TRAK2: variants seen among roughly 807,000 people sequenced by gnomAD.
TRAK2 encodes trafficking kinesin-binding protein 2.
Under a neutral mutation model 104.6 loss-of-function variants are expected in TRAK2, and 81 were observed. The ratio of observed to expected loss-of-function variants is 0.77; its 90% CI spans 0.65 to 0.93. The LOEUF is 0.93. Among genes scored for constraint, TRAK2 ranks in the 40% least tolerant of loss-of-function variants. The pLI, the probability that TRAK2 is intolerant of heterozygous loss-of-function variation, is 0.00. For synonymous variants in TRAK2, 406 were observed against 394.4 expected (o/e 1.03, Z -0.35); for missense variants, 1,002 against 1,089.0 (o/e 0.92, Z 1.12).
In TRAK2 at chr2:201,448,001, GCA is replaced by G. The variant is rs375423024; in HGVS notation, c.-200+3347_-200+3348del. 1.8e-3 allele frequency among the ~76,000 whole-genome samples: 278 copies of G among 152,284 alleles called. 1 individual carries two copies. The highest frequency in any genetic ancestry group is 6.0e-3 in the African/African-American group (251 of 41,544). On this transcript the variant is annotated intron_variant, in intron 1 of 15. Coordinates refer to ENST00000332624, the MANE Select transcript of TRAK2 (RefSeq NM_015049.3). ...AGCAAAGACTAAATTCCTAGCATTG[GCA>G]CAGTGTGTGGCACACAGAAGGTGTT...
chr2:201,428,960 T>C (rs564969264), intron 1 of TRAK2, among the ~76,000 whole-genome samples: 25 of 152,196 alleles, frequency 1.6e-4, no homozygotes, highest in Admixed American at 2.6e-4. Context: ...CATGATTTGG[T>C]TCTCTGTTTG....
At position 201,387,750 on chromosome 2, in the gene TRAK2, A is replaced by C; in HGVS notation, c.1649T>G (p.Leu550Arg). 6.2e-7 allele frequency: 1 copy of C among 1,611,988 alleles called. No individual in the cohort carries two copies. Among genetic ancestry groups the C allele is most frequent in the Non-Finnish European group, 8.5e-7 (1 of 1,178,870 alleles). ...TAATTTTTCTGGCATAAAACCTCGA[A>C]GGCAACTGGCACTGCTGAGGTCTGT... ...EITDLSSASC[L>R]RGFMPEKLQI... Residue 550 changes from leucine to arginine, a missense_variant, in exon 13 of 16, where the codon CTT becomes CGT. Leu to Arg is a moderately radical substitution (Grantham distance 102, BLOSUM62 -2). Transcript: ENST00000332624.
intron 2 of TRAK2, among the ~76,000 whole-genome samples, chr2:201,418,157 CT>C (rs1218022751): frequency 1.3e-5 from 2 of 152,150 alleles, no homozygotes; most frequent in Non-Finnish European, 2.9e-5. Flanking sequence ...TTCCAGCATT[CT>C]TTTTTGGGAG....
At chr2:201,394,159 AC>A (rs1212557885) in intron 9 of TRAK2, among the ~76,000 whole-genome samples, 2 of 152,188 alleles carry the variant, frequency 1.3e-5, no homozygotes, top group East Asian at 3.9e-4. Flanking sequence ...ACACACCTGC[AC>A]AAAGATTTAC....
At chr2:201,437,488 C>T (rs373260535) in intron 1 of TRAK2, among the ~76,000 whole-genome samples, 1 of 152,064 alleles carries the variant, frequency 6.6e-6, no homozygotes, top group Admixed American at 6.6e-5. Context: ...ACCATAAATC[C>T]ACCACATTCT....
chr2:201,402,875 T>C (rs1022736607), intron 3 of TRAK2, among the ~76,000 whole-genome samples: 2 of 152,158 alleles, frequency 1.3e-5, no homozygotes, highest in Non-Finnish European at 2.9e-5. Context: ...ATGCAGAAGA[T>C]TCCCAGGTGT....
At chr2:201,437,299 C>T (rs1951886228) in intron 1 of TRAK2, among the ~76,000 whole-genome samples, 1 of 152,116 alleles carries the variant, frequency 6.6e-6, no homozygotes, top group East Asian at 1.9e-4. Flanking sequence ...CTATTCTCCC[C>T]AGTTCTTCAG....
At chr2:201,395,107 C>T in intron 8 of TRAK2, 1 of 612,834 alleles carries the variant, frequency 1.6e-6, no homozygotes, top group Non-Finnish European at 2.8e-6. Flanking sequence ...AGCACTAACC[C>T]CATTTTACAA....
At chr2:201,383,508 A>T (rs1326264552) in intron 15 of TRAK2, among the ~76,000 whole-genome samples, 1 of 152,228 alleles carries the variant, frequency 6.6e-6, no homozygotes, top group African/African-American at 2.4e-5. Flanking sequence ...TACTTGGGTG[A>T]ACTTCCCTGG....
chr2:201,407,588 G>C lies in TRAK2; in HGVS notation c.101C>G (p.Ser34Cys), dbSNP rs374246903. The change falls in exon 3 of 16, where the codon TCC becomes TGC. Residue 34 changes from serine to cysteine, a missense_variant. Physicochemically the swap from Ser to Cys is moderately radical, Grantham distance 112. Coordinates refer to ENST00000332624, the MANE Select transcript of TRAK2 (RefSeq NM_015049.3). ...RDSESITDVC[S>C]NEDLPEVELV... is the part of the protein sequence containing the mutation. Reference sequence around the variant, plus strand: ...CTCAACTTCAGGGAGATCCTCATTGGAGCAGACATCTAAAGAGGAGAGTCT... The same window carrying C: ...CTCAACTTCAGGGAGATCCTCATTGCAGCAGACATCTAAAGAGGAGAGTCT... 1.3e-4 allele frequency: 209 copies of C among 1,612,628 alleles called. No homozygotes were observed. The highest frequency in any genetic ancestry group is 2.5e-4 in the Admixed American group (15 of 59,874).
Position 201,392,929 on chromosome 2 carries a change from A to T in TRAK2, c.1093T>A (p.Ser365Thr), listed in dbSNP as rs768972943. ...CTTACCCCAGTAAAAGCTCCATATG[A>T]TTGGGAGAAGTAGAGATGAGCAGTA... Reference protein sequence around the residue: ...GPTAHLYFSQSYGAFTGESLA... With the variant: ...GPTAHLYFSQTYGAFTGESLA... Residue 365 changes from serine to threonine, a missense_variant, in exon 10 of 16, where the codon TCA becomes ACA. By Grantham distance (58) the Ser-to-Thr change is moderately conservative. Transcript: ENST00000332624. 1 of 1,612,456 alleles carries T rather than the reference A, an allele frequency of 6.2e-7. No individual in the cohort carries two copies. The highest frequency in any genetic ancestry group is 2.2e-5 in the East Asian group (1 of 44,832).
chr2:201,394,778 C>T lies in TRAK2; in HGVS notation c.975+20G>A, dbSNP rs1327510887. The stretch of plus-strand genomic sequence containing the variant: ...TCACTCTTTCCCCTCCTGAATTACA[C>T]AAGATAAAGATTTCATTACCTCCAT... On this transcript the variant is annotated intron_variant, in intron 9 of 15. Transcript: ENST00000332624. The T allele has an allele frequency of 6.2e-7, 1 of 1,605,706 alleles. No homozygotes were observed. Among genetic ancestry groups the T allele is most frequent in the Non-Finnish European group, 8.5e-7 (1 of 1,173,726 alleles).
chr2:201,385,789 A>G, intron 14 of TRAK2, among the ~76,000 whole-genome samples: 1 of 152,242 alleles, frequency 6.6e-6, no homozygotes, highest in East Asian at 1.9e-4. Flanking sequence ...TTTTCTCACT[A>G]TGTAAAAAAA....
At position 201,407,476 on chromosome 2, in the gene TRAK2, C is replaced by T. The variant is rs753163351; in HGVS notation, c.213G>A (p.Gln71=). The part of the protein sequence containing the change: ...LFLYENQDWT[Q]SPHQRQHASD... ...ATGCATGCTGCCGCTGGTGTGGAGA[C>T]TGAGTCCAGTCTTGATTTTCATATA... Residue 71 remains glutamine, a synonymous_variant, in exon 3 of 16, where the codon CAG becomes CAA. Coordinates refer to ENST00000332624, the MANE Select transcript of TRAK2 (RefSeq NM_015049.3). 4.3e-6 allele frequency: 7 copies of T among 1,614,026 alleles called. No individual in the cohort carries two copies. In the South Asian group the frequency reaches 7.7e-5, roughly 18 times the overall value.
rs1466846164 is a variant in TRAK2 at position 201,410,882 on chromosome 2, T to C, written c.92-3285A>G. ...CCAGCAGGAGGAACATTCAAAGCAC[T>C]GAAGTTTGGCAAAGTGGGAGGTGTT... On this transcript the variant is annotated intron_variant, in intron 2 of 15. Coordinates refer to ENST00000332624, the MANE Select transcript of TRAK2 (RefSeq NM_015049.3). 23 of 1,587,996 alleles carry C rather than the reference T, an allele frequency of 1.4e-5. No individual in the cohort carries two copies. The East Asian group carries it at 4.5e-4, about 31-fold the overall frequency.
At chr2:201,446,177 C>T (rs1951962873) in intron 1 of TRAK2, among the ~76,000 whole-genome samples, 1 of 152,098 alleles carries the variant, frequency 6.6e-6, no homozygotes, top group Admixed American at 6.5e-5. Flanking sequence ...ATTTCCCCTC[C>T]CTGCAAACTA....
intron 14 of TRAK2, among the ~76,000 whole-genome samples, chr2:201,385,551 C>A (rs1487295252): frequency 6.6e-6 from 1 of 152,078 alleles, no homozygotes. Flanking sequence ...TTGCTACAAA[C>A]GTTCAAGAAA....
intron 3 of TRAK2, among the ~76,000 whole-genome samples, chr2:201,403,957 C>G (rs1489484453): frequency 2.6e-5 from 4 of 152,018 alleles, no homozygotes; most frequent in East Asian, 3.9e-4. Context: ...ATGTCAGGCA[C>G]AAAACAGAAA....
At chr2:201,425,355 C>T (rs1475761318) in intron 1 of TRAK2, among the ~76,000 whole-genome samples, 1 of 152,132 alleles carries the variant, frequency 6.6e-6, no homozygotes, top group Non-Finnish European at 1.5e-5. Flanking sequence ...TTTCTACATC[C>T]GTAAGTGCAT....
Sources: gnomAD v4.1 joint callset for allele counts (sites outside exome capture counted in the v4.1 genomes callset) on GRCh38, gnomAD v4.1.1 for gene constraint, MANE v1.5 for transcripts, NCBI Gene and HGNC (gene_info 2026-07-23, HGNC 2026-07-21) for gene names.